Variants in TRPM8 observed in about 807,000 individuals in gnomAD.
TRPM8 encodes the protein TRPM8 cationic channel.
TRPM8 carries 110 observed loss-of-function variants against 133.7 expected under a neutral mutation model. The ratio of observed to expected loss-of-function variants is 0.82; its 90% CI spans 0.70 to 0.96. The LOEUF (loss-of-function observed/expected upper bound fraction) is 0.96, where lower values mean the gene tolerates loss of function less well. Ranked by LOEUF, TRPM8 falls within the 40% of genes least tolerant of loss-of-function variation. The pLI is 0.00. For missense variants in TRPM8, 1,291 were observed against 1,379.5 expected (o/e 0.94, Z 1.02); for synonymous variants, 535 against 532.3 (o/e 1.01, Z -0.07).
chr2:234,014,451 T>C (rs1036949605), intron 24 of TRPM8, 111 bp from the exon 25 acceptor site: 3 of 555,998 alleles, frequency 5.4e-6, no homozygotes, highest in Admixed American at 4.3e-5. Flanking sequence ...TGTGCCATGC[T>C]TGCTATTTAG....
chr2:233,981,559 T>C (rs1452543074), intron 18 of TRPM8, among the ~76,000 whole-genome samples: 2 of 151,756 alleles, frequency 1.3e-5, no homozygotes, highest in Non-Finnish European at 2.9e-5. Flanking sequence ...TTTGGTGAGA[T>C]GTCTTTGCTT....
chr2:233,925,179 G>A (rs1216327228), intron 1 of TRPM8, among the ~76,000 whole-genome samples: 1 of 152,194 alleles, frequency 6.6e-6, no homozygotes, highest in Admixed American at 6.5e-5. Context: ...TTAGCAAACC[G>A]AAGGAGGATT....
chr2:233,924,837 A>C (rs1691479541), intron 1 of TRPM8, among the ~76,000 whole-genome samples: 1 of 152,242 alleles, frequency 6.6e-6, no homozygotes, highest in Admixed American at 6.5e-5. Flanking sequence ...ATCATAGTGA[A>C]TACCTTGCAG....
At chr2:233,953,104 C>T (rs1691207315) in intron 9 of TRPM8, among the ~76,000 whole-genome samples, 1 of 152,186 alleles carries the variant, frequency 6.6e-6, no homozygotes, top group Non-Finnish European at 1.5e-5. Flanking sequence ...GTGCTTTGAA[C>T]TAAGACCTCC....
intron 11 of TRPM8, among the ~76,000 whole-genome samples, chr2:233,957,647 A>G (rs1403370118): frequency 6.6e-6 from 1 of 152,218 alleles, no homozygotes; most frequent in Non-Finnish European, 1.5e-5. Context: ...ATTTGTCTAC[A>G]TTTACTACTA....
chr2:233,979,820 C>A (rs1483522463), intron 17 of TRPM8, among the ~76,000 whole-genome samples: 2 of 152,146 alleles, frequency 1.3e-5, no homozygotes, highest in African/African-American at 4.8e-5. Flanking sequence ...ATGAGTAATA[C>A]CCTCTAGGAC....
At chr2:233,997,166 C>T (rs548914971) in intron 22 of TRPM8, among the ~76,000 whole-genome samples, 7 of 151,950 alleles carry the variant, frequency 4.6e-5, no homozygotes, top group South Asian at 2.1e-4. Flanking sequence ...CCCAGCTACT[C>T]GGGAGGCTGA....
chr2:233,953,237 C>G (rs1691212319), intron 9 of TRPM8, among the ~76,000 whole-genome samples: 1 of 152,230 alleles, frequency 6.6e-6, no homozygotes, highest in African/African-American at 2.4e-5. Context: ...CCCAGCGGAG[C>G]CTCTGCAGTT....
At chr2:233,985,642 C>T (rs200154528) in intron 20 of TRPM8, 46 bp from the exon 21 acceptor site, 30 of 1,581,236 alleles carry the variant, frequency 1.9e-5, no homozygotes, top group Non-Finnish European at 2.5e-5. Flanking sequence ...TCGCTCTCAC[C>T]CCTCCAGAGG....
rs760774988 is a variant in TRPM8, at chr2:233,926,548, G to T, written c.11G>T (p.Arg4Leu). MSF[R>L]AARLSMRNRR... The stretch of plus-strand genomic sequence containing the variant: ...ATCGTCACAGAAAAGATGTCCTTTC[G>T]GGCAGCCAGGCTCAGCATGAGGAAC... The change falls in exon 2 of 26, where the codon CGG becomes CTG. Residue 4 changes from arginine (R) to leucine (L), a missense_variant. Around this residue, in one of 2 missense-constraint regions of TRPM8, gnomAD observed 963 missense variants for 968.9 expected, o/e 0.99. Coordinates refer to ENST00000324695, the MANE Select transcript of TRPM8 (RefSeq NM_024080.5). 1.9e-6 allele frequency: 3 copies of T among 1,613,920 alleles called. No homozygotes were observed. The highest frequency in any genetic ancestry group is 2.5e-6 in the Non-Finnish European group (3 of 1,179,918).
chr2:233,946,561 G>A (rs142119461), intron 7 of TRPM8, among the ~76,000 whole-genome samples: 8 of 152,218 alleles, frequency 5.3e-5, no homozygotes, highest in African/African-American at 1.7e-4. Flanking sequence ...CTGTGGACAG[G>A]GTATTGAGAT....
At chr2:233,987,092 C>T (rs191289675) in intron 21 of TRPM8, among the ~76,000 whole-genome samples, 2 of 152,260 alleles carry the variant, frequency 1.3e-5, no homozygotes, top group East Asian at 1.9e-4. Flanking sequence ...TCTCTCACAT[C>T]TGGGAATCTA....
chr2:233,962,178 T>C (rs1345230292), intron 12 of TRPM8, among the ~76,000 whole-genome samples: 2 of 152,222 alleles, frequency 1.3e-5, no homozygotes, highest in Non-Finnish European at 2.9e-5. Flanking sequence ...TTTGTGGCTG[T>C]AACACCTATA....
chr2:234,002,101 T>G (rs960844641), intron 22 of TRPM8, among the ~76,000 whole-genome samples: 2 of 151,796 alleles, frequency 1.3e-5, no homozygotes, highest in African/African-American at 2.4e-5. Flanking sequence ...TTTAAACCCT[T>G]GACTAGAGTG....
At position 233,955,352 on chromosome 2, in the gene TRPM8, T is replaced by C. The variant is rs1691268633; in HGVS notation, c.1362+102T>C. 3.7e-6 allele frequency: 3 copies of C among 812,762 alleles called. No individual in the cohort carries two copies. In the East Asian group the frequency reaches 7.5e-5, roughly 20 times the overall value. 50.3% of individuals were successfully genotyped at this position (812,762 alleles called of 1,614,324 possible). On this transcript the variant is annotated intron_variant, in intron 11 of 25. Transcript: ENST00000324695. ...ACAAGGTCTTCAATACCAAATCTCT[T>C]AAAGGATTGTTCTGTTCCAGAATAT...
chr2:234,002,842 A>T (rs1212599941), intron 22 of TRPM8, among the ~76,000 whole-genome samples: 1 of 152,100 alleles, frequency 6.6e-6, no homozygotes, highest in African/African-American at 2.4e-5. Flanking sequence ...TGTGTCTTTC[A>T]GTGGCTGCTG....
intron 17 of TRPM8, among the ~76,000 whole-genome samples, chr2:233,975,911 GAACA>G (rs910475670): frequency 7.7e-5 from 11 of 143,772 alleles, no homozygotes; most frequent in Non-Finnish European, 1.2e-4. Context: ...AAAAACAAAT[GAACA>G]AACAAACAAA....
intron 13 of TRPM8, among the ~76,000 whole-genome samples, 184 bp from the exon 14 acceptor site, chr2:233,964,444 C>T (rs866743219): frequency 2.1e-5 from 3 of 145,322 alleles, no homozygotes; most frequent in Non-Finnish European, 4.5e-5. Flanking sequence ...CCCAACTACT[C>T]GGGAGGCTGA....
rs58670513 is a variant in TRPM8, at chr2:233,927,854, T to TTC, written c.117+1202_117+1203dup. Among the ~76,000 whole-genome samples, 345 of 55,778 alleles carry TTC rather than the reference T, an allele frequency of 6.2e-3. 21 individuals carry two copies. Among genetic ancestry groups the TTC allele is most frequent in the Non-Finnish European group, 8.5e-3 (254 of 29,744 alleles). 36.6% of individuals were successfully genotyped at this position (55,778 alleles called of 152,430 possible). ...TTCCTTCCTTCCTTCCTTCCTTCCT[T>TTC]TCTTTCTCTTTCTTTCTTTCTTTCT... On this transcript the variant is annotated intron_variant, in intron 2 of 25. Transcript: ENST00000324695.
Sources: gnomAD v4.1 joint callset for allele counts (sites outside exome capture counted in the v4.1 genomes callset) on GRCh38, gnomAD v4.1.1 for gene constraint, gnomAD v4.1.1 regional missense constraint, MANE v1.5 for transcripts, NCBI Gene and HGNC (gene_info 2026-07-23, HGNC 2026-07-21) for gene names.